Variants in ENTREP2 observed in about 807,000 individuals in gnomAD.
ENTREP2 encodes the protein endosomal transmembrane epsin interactor 2.
chr15:29,497,590 G>T, the ENTREP2 span, among the ~76,000 whole-genome samples: 2 of 152,070 alleles, frequency 1.3e-5, no homozygotes, highest in South Asian at 4.1e-4. Context: ...AGTGTTTGTA[G>T]TACTCTCTTA....
At chr15:29,188,187 C>A in the ENTREP2 span, among the ~76,000 whole-genome samples, 1 of 152,154 alleles carries the variant, frequency 6.6e-6, no homozygotes, top group Non-Finnish European at 1.5e-5. Flanking sequence ...ATCCTTGTCA[C>A]TTCCTGAGTG....
At chr15:29,369,538 C>T in the ENTREP2 span, among the ~76,000 whole-genome samples, 1 of 152,156 alleles carries the variant, frequency 6.6e-6, no homozygotes, top group Non-Finnish European at 1.5e-5. Context: ...TAATTTGTCT[C>T]TATGGAATCT....
chr15:29,268,724 C>G, the ENTREP2 span: 1 of 1,502,252 alleles, frequency 6.7e-7, no homozygotes, highest in Non-Finnish European at 8.9e-7. Context: ...TCTCCCTTCC[C>G]CCAATCCTCT....
At chr15:29,249,578 T>C in the ENTREP2 span, among the ~76,000 whole-genome samples, 1 of 152,288 alleles carries the variant, frequency 6.6e-6, no homozygotes, top group African/African-American at 2.4e-5. Flanking sequence ...TTTGAATTTC[T>C]ATAGTAAATG....
At chr15:29,647,515 C>T in the ENTREP2 span, among the ~76,000 whole-genome samples, 5 of 152,144 alleles carry the variant, frequency 3.3e-5, no homozygotes, top group Non-Finnish European at 7.3e-5. Flanking sequence ...CTGTAATGTA[C>T]AGTACAGGCA....
At chr15:29,306,065 G>A in the ENTREP2 span, among the ~76,000 whole-genome samples, 3 of 152,380 alleles carry the variant, frequency 2.0e-5, no homozygotes, top group East Asian at 1.9e-4. Flanking sequence ...ATCACTGACT[G>A]CGGGATTTGG....
the ENTREP2 span, among the ~76,000 whole-genome samples, chr15:29,228,836 A>G: frequency 6.6e-6 from 1 of 152,202 alleles, no homozygotes; most frequent in African/African-American, 2.4e-5. Context: ...TTTTATGCTC[A>G]TGACTTAAAT....
chr15:29,652,895 G>A, the ENTREP2 span, among the ~76,000 whole-genome samples: 1 of 152,186 alleles, frequency 6.6e-6, no homozygotes, highest in Non-Finnish European at 1.5e-5. Flanking sequence ...CTGAGTGGGA[G>A]GAATAAGCTG....
chr15:29,637,636 G>C, the ENTREP2 span, among the ~76,000 whole-genome samples: 2 of 152,180 alleles, frequency 1.3e-5, no homozygotes, highest in African/African-American at 4.8e-5. Context: ...ATAACCTCAA[G>C]GGACAGAGAG....
the ENTREP2 span, among the ~76,000 whole-genome samples, chr15:29,336,141 C>CAAAA: frequency 1.6e-3 from 120 of 77,160 alleles, 3 homozygotes; most frequent in African/African-American, 3.8e-3. Flanking sequence ...GACTCCGTCT[C>CAAAA]AAAAAAAAAA....
At chr15:29,601,327 C>T in the ENTREP2 span, among the ~76,000 whole-genome samples, 7 of 152,096 alleles carry the variant, frequency 4.6e-5, no homozygotes, top group African/African-American at 1.2e-4. Flanking sequence ...AATTGGCATA[C>T]TCCTTTCTAA....
chr15:29,639,993 T>C, the ENTREP2 span, among the ~76,000 whole-genome samples: 1 of 152,152 alleles, frequency 6.6e-6, no homozygotes, highest in Non-Finnish European at 1.5e-5. Flanking sequence ...GGTCATGAAC[T>C]CCTGACGTCA....
chr15:29,246,413 G>C, the ENTREP2 span, among the ~76,000 whole-genome samples: 1 of 136,058 alleles, frequency 7.3e-6, no homozygotes, highest in Admixed American at 7.4e-5. Flanking sequence ...AAAAAAAAAA[G>C]GCTGGGCGCA....
At chr15:29,413,491 T>G in the ENTREP2 span, among the ~76,000 whole-genome samples, 1 of 152,210 alleles carries the variant, frequency 6.6e-6, no homozygotes, top group Non-Finnish European at 1.5e-5. Context: ...CTAACAAGGC[T>G]TTTTGACTGA....
the ENTREP2 span, among the ~76,000 whole-genome samples, chr15:29,184,417 G>A: frequency 6.6e-6 from 1 of 152,152 alleles, no homozygotes; most frequent in East Asian, 1.9e-4. Flanking sequence ...GCTCTGCTGC[G>A]ATTCTTCAGG....
chr15:29,529,304 T>C, the ENTREP2 span, among the ~76,000 whole-genome samples: 2 of 131,232 alleles, frequency 1.5e-5, no homozygotes, highest in African/African-American at 2.9e-5. Context: ...ACAGGAAGGC[T>C]ACGCCTCACT....
chr15:29,422,033 C>T, the ENTREP2 span, among the ~76,000 whole-genome samples: 165 of 152,138 alleles, frequency 1.1e-3, 1 homozygote, highest in African/African-American at 3.9e-3. Flanking sequence ...TTTGGGAGGC[C>T]GAAGCAGGTG....
the ENTREP2 span, among the ~76,000 whole-genome samples, chr15:29,523,562 T>A: frequency 2.2e-5 from 2 of 89,068 alleles, no homozygotes; most frequent in Non-Finnish European, 2.3e-5. Context: ...CCCAGCTAGA[T>A]TTTTTTTTTT....
the ENTREP2 span, among the ~76,000 whole-genome samples, chr15:29,390,455 G>A: frequency 1.3e-5 from 2 of 152,232 alleles, no homozygotes; most frequent in South Asian, 2.1e-4. Context: ...GAAAAGGCAT[G>A]ATATTGCTCA....
Sources: allele counts gnomAD v4.1 joint callset (sites outside exome capture counted in the v4.1 genomes callset), GRCh38; gene constraint gnomAD v4.1.1; transcripts MANE v1.5; gene names NCBI Gene and HGNC (gene_info 2026-07-23, HGNC 2026-07-21).